Variants in ANKS1A observed in about 807,000 individuals in gnomAD.
ANKS1A encodes the protein ankyrin repeat and SAM domain-containing protein 1A.
In ANKS1A, 55 loss-of-function variants were observed where a neutral mutation model predicts 120.3. The observed-to-expected ratio is 0.46, with a 90% CI of 0.37 to 0.57. The LOEUF is 0.57. Among genes scored for constraint, ANKS1A ranks in the 20% least tolerant of loss-of-function variants. The pLI, the probability that ANKS1A is intolerant of heterozygous loss-of-function variation, is 0.00. For synonymous variants in ANKS1A, 590 were observed against 604.7 expected (o/e 0.98, Z 0.36); for missense variants, 1,123 against 1,480.3 (o/e 0.76, Z 3.96).
chr6:34,982,677 T>G lies in ANKS1A; in HGVS notation c.733-75T>G. 2 of 1,391,262 alleles carry G rather than the reference T, an allele frequency of 1.4e-6. No individual in the cohort carries two copies. Among genetic ancestry groups the G allele is most frequent in the Admixed American group, 3.4e-5 (2 of 59,468 alleles). The allele number at this position is 1,391,262 out of a possible 1,614,324, so 86.2% of individuals were successfully genotyped here. A position where few individuals can be genotyped will look rare whatever the true frequency, so the allele number is the denominator to read the frequency against. ...TTTATTTTGTGTCCCTTCTTGTCTG[T>G]GTCCCCTTTGTCACGTGAAGCCGCA... On this transcript the variant is annotated intron_variant, in intron 4 of 23. Transcript: ENST00000360359. This position sits in a 1 kb window ranked among gnomAD's most constrained non-coding sequence, Gnocchi z 4.9.
At chr6:34,999,617 G>C (rs992778619) in intron 10 of ANKS1A, among the ~76,000 whole-genome samples, 1 of 152,196 alleles carries the variant, frequency 6.6e-6, no homozygotes, top group Non-Finnish European at 1.5e-5. Context: ...GTGTGAAATA[G>C]ACTGGCCAGC....
intron 13 of ANKS1A, among the ~76,000 whole-genome samples, chr6:35,073,917 G>A (rs934761580): frequency 4.6e-5 from 7 of 152,222 alleles, no homozygotes; most frequent in South Asian, 4.1e-4. Flanking sequence ...CCCCCGGTGC[G>A]GAGATATGGC....
intron 1 of ANKS1A, among the ~76,000 whole-genome samples, chr6:34,891,889 A>G (rs1329431689): frequency 1.3e-5 from 2 of 152,208 alleles, no homozygotes; most frequent in African/African-American, 4.8e-5. Context: ...GGCCTCCCAA[A>G]GTGCTGGGAT....
At chr6:34,893,292 C>T (rs1766913770) in intron 1 of ANKS1A, among the ~76,000 whole-genome samples, 2 of 152,126 alleles carry the variant, frequency 1.3e-5, no homozygotes, top group African/African-American at 4.8e-5. Context: ...AGTACCATGC[C>T]AGACACATTA....
At chr6:35,029,586 G>A (rs1365334713) in intron 11 of ANKS1A, among the ~76,000 whole-genome samples, 2 of 151,606 alleles carry the variant, frequency 1.3e-5, no homozygotes, top group Non-Finnish European at 2.9e-5. Context: ...CTGACCTCAG[G>A]TGATCCACCC....
At chr6:35,004,181 C>A (rs1228208791) in intron 10 of ANKS1A, among the ~76,000 whole-genome samples, 3 of 152,066 alleles carry the variant, frequency 2.0e-5, no homozygotes, top group Non-Finnish European at 4.4e-5. Flanking sequence ...TTAAAAGGGA[C>A]AGGAATTGCT....
intron 10 of ANKS1A, among the ~76,000 whole-genome samples, chr6:34,999,648 C>T (rs1477766481): frequency 6.6e-6 from 1 of 152,146 alleles, no homozygotes; most frequent in Non-Finnish European, 1.5e-5. Flanking sequence ...GGTTGGCCAT[C>T]AGAAGGAAGC....
At chr6:35,029,325 T>C (rs1039631043) in intron 11 of ANKS1A, among the ~76,000 whole-genome samples, 16 of 151,600 alleles carry the variant, frequency 1.1e-4, no homozygotes, top group Non-Finnish European at 2.4e-4. Flanking sequence ...TGTAGTTGAA[T>C]CTATCAATCT....
intron 1 of ANKS1A, among the ~76,000 whole-genome samples, chr6:34,919,160 C>A (rs1234877610): frequency 1.3e-5 from 2 of 152,212 alleles, no homozygotes; most frequent in African/African-American, 2.4e-5. Context: ...CTTATATACA[C>A]TTTAAAAGAC....
chr6:34,926,061 A>G (rs1392004425), intron 1 of ANKS1A, among the ~76,000 whole-genome samples: 4 of 152,212 alleles, frequency 2.6e-5, no homozygotes, highest in African/African-American at 9.7e-5. Flanking sequence ...AGGTCTTGTT[A>G]TATGTGTTAA....
chr6:35,075,415 CTTTT>C (rs747359283), intron 13 of ANKS1A, among the ~76,000 whole-genome samples: 2 of 129,878 alleles, frequency 1.5e-5, no homozygotes, highest in Admixed American at 7.9e-5. Context: ...GGTTAATTTT[CTTTT>C]TTTTTTTTTT....
At chr6:34,992,480 C>T (rs1418325014) in intron 9 of ANKS1A, among the ~76,000 whole-genome samples, 6 of 152,138 alleles carry the variant, frequency 3.9e-5, no homozygotes, top group African/African-American at 9.7e-5. Flanking sequence ...GGAAGCATGC[C>T]GGAGGCTATA....
intron 1 of ANKS1A, among the ~76,000 whole-genome samples, chr6:34,906,081 A>G (rs1767633247): frequency 6.6e-6 from 1 of 151,944 alleles, no homozygotes; most frequent in South Asian, 2.1e-4. Flanking sequence ...CACCTCAACC[A>G]CCATCTAGCC....
chr6:34,931,115 G>A (rs1282218266), intron 1 of ANKS1A, among the ~76,000 whole-genome samples: 1 of 150,846 alleles, frequency 6.6e-6, no homozygotes, highest in African/African-American at 2.4e-5. Flanking sequence ...CCGACCTCAG[G>A]TGATCCGCCC....
chr6:35,088,610 G>T lies in ANKS1A; in HGVS notation c.*1G>T. On this transcript the variant is annotated 3_prime_UTR_variant, in exon 24 of 24. Transcript: ENST00000360359. ...CCATTGTTTGCTTCTGCCAAGCTGA[G>T]CCACTGAGGAACCACACTGTGCTGC... The T allele has an allele frequency of 6.2e-7, 1 of 1,614,222 alleles. No homozygotes were observed. Among genetic ancestry groups the T allele is most frequent in the Non-Finnish European group, 8.5e-7 (1 of 1,180,036 alleles).
intron 11 of ANKS1A, among the ~76,000 whole-genome samples, chr6:35,049,344 A>G (rs145800585): frequency 3.9e-5 from 6 of 152,360 alleles, no homozygotes; most frequent in Non-Finnish European, 7.3e-5. Flanking sequence ...GAACACCACC[A>G]GTGTGCTAGC....
intron 11 of ANKS1A, among the ~76,000 whole-genome samples, chr6:35,037,687 T>C (rs1217526824): frequency 1.3e-5 from 2 of 152,192 alleles, no homozygotes; most frequent in Non-Finnish European, 2.9e-5. Flanking sequence ...GCTTTCAGTC[T>C]ACCCAGTGTA....
chr6:35,033,092 C>T (rs1774987086), intron 11 of ANKS1A, among the ~76,000 whole-genome samples: 1 of 152,228 alleles, frequency 6.6e-6, no homozygotes, highest in Non-Finnish European at 1.5e-5. Flanking sequence ...GATAATGTCA[C>T]ATTGGTGTTA....
rs1042789343 is a variant in ANKS1A, at chr6:35,044,611, A to G, written c.2011-9488A>G. ...TTGTAGAAAGGCGTCACTCCCTCACATAAAACGTTTTGTCCTGAATGGAGA... is the reference window on the plus strand; with the variant it reads ...TTGTAGAAAGGCGTCACTCCCTCACGTAAAACGTTTTGTCCTGAATGGAGA... On this transcript the variant is annotated intron_variant, in intron 11 of 23. Coordinates refer to ENST00000360359, the MANE Select transcript of ANKS1A (RefSeq NM_015245.3). This position sits in a 1 kb window ranked among gnomAD's most constrained non-coding sequence, Gnocchi z 4.4. Among the ~76,000 whole-genome samples, 2 of 152,220 alleles carry G rather than the reference A, an allele frequency of 1.3e-5. No homozygotes were observed. The highest frequency in any genetic ancestry group is 2.4e-5 in the African/African-American group (1 of 41,458).
Sources: allele counts gnomAD v4.1 joint callset (sites outside exome capture counted in the v4.1 genomes callset), GRCh38; gene constraint gnomAD v4.1.1; non-coding constraint Gnocchi (gnomAD v3.1); transcripts MANE v1.5; gene names NCBI Gene and HGNC (gene_info 2026-07-23, HGNC 2026-07-21).